Variants in EPHB2 observed in about 807,000 individuals in gnomAD.
EPHB2 encodes the protein ephrin type-B receptor 2.
EPHB2 carries 18 observed loss-of-function variants against 96.4 expected under a neutral mutation model. The observed-to-expected ratio is 0.19, with a 90% CI of 0.13 to 0.28. The LOEUF is 0.28. Among genes scored for constraint, EPHB2 ranks in the 10% least tolerant of loss-of-function variants. EPHB2 has a pLI of 1.00. For synonymous variants in EPHB2, 506 were observed against 534.1 expected (o/e 0.95, Z 0.72); for missense variants, 989 against 1,355.4 (o/e 0.73, Z 4.25).
At chr1:22,882,529 G>T in intron 6 of EPHB2, 46 bp downstream of exon 6, 1 of 1,610,556 alleles carries the variant, frequency 6.2e-7, no homozygotes. Flanking sequence ...CTCCCTGAGG[G>T]CCCCTCTCCC....
chr1:22,916,625 A>G lies in EPHB2; in HGVS notation c.*3055A>G, dbSNP rs1557758436. On this transcript the variant is annotated 3_prime_UTR_variant, in exon 16 of 16. Transcript: ENST00000374630. The surrounding 1 kb of genome is among the most constrained non-coding windows in gnomAD (Gnocchi z 4.2). ...ACTTACACCACCCGCTCACCCAGGC[A>G]CACAGCTCTGAGCCACCCGCTGCCT... The G allele has an allele frequency of 6.6e-6, 1 of 152,016 alleles. No individual in the cohort carries two copies. The highest frequency in any genetic ancestry group is 1.9e-4 in the East Asian group (1 of 5,158). The allele number at this position is 152,016 out of a possible 1,614,324, so 9.4% of individuals were successfully genotyped here.
In EPHB2 at chr1:22,784,600, A is replaced by G; in HGVS notation, c.335A>G (p.Asn112Ser). The G allele has an allele frequency of 6.2e-7, 1 of 1,614,000 alleles. No homozygotes were observed. Among genetic ancestry groups the G allele is most frequent in the Non-Finnish European group, 8.5e-7 (1 of 1,179,986 alleles). Residue 112 changes from asparagine (N) to serine (S), a missense_variant, in exon 3 of 16, where the codon AAC becomes AGC. Physicochemically the swap from Asn to Ser is conservative, Grantham distance 46 (BLOSUM62 1). Transcript: ENST00000374630. This position sits in a 1 kb window ranked among gnomAD's most constrained non-coding sequence, Gnocchi z 5.1. Reference sequence around the variant, plus strand: ...CCTGGCTCCTGCAAGGAGACCTTCAACCTCTATTACTATGAGGCTGACTTT... The same window carrying G: ...CCTGGCTCCTGCAAGGAGACCTTCAGCCTCTATTACTATGAGGCTGACTTT... Reference protein sequence around the residue: ...SVPGSCKETFNLYYYEADFDS... With the variant: ...SVPGSCKETFSLYYYEADFDS...
intron 1 of EPHB2, among the ~76,000 whole-genome samples, chr1:22,729,254 G>A (rs1643651276): frequency 1.3e-5 from 2 of 152,194 alleles, no homozygotes; most frequent in Non-Finnish European, 2.9e-5. Flanking sequence ...ATTCTCACCT[G>A]GGCATGAGAT....
chr1:22,719,449 C>T (rs991329098), intron 1 of EPHB2: 4 of 154,274 alleles, frequency 2.6e-5, no homozygotes, highest in Admixed American at 1.3e-4. Flanking sequence ...AATCTGGTTT[C>T]ACAGGGCCCA....
intron 3 of EPHB2, among the ~76,000 whole-genome samples, chr1:22,819,236 TCTCTCTCTC>T (rs1239311116): frequency 6.6e-6 from 1 of 150,936 alleles, no homozygotes; most frequent in African/African-American, 2.4e-5. Context: ...TCTCTCTCTC[TCTCTCTCTC>T]TCTCTGCTGG....
intron 1 of EPHB2, among the ~76,000 whole-genome samples, chr1:22,760,569 C>A (rs1232213522): frequency 6.6e-6 from 1 of 152,236 alleles, no homozygotes; most frequent in African/African-American, 2.4e-5. Flanking sequence ...AAAAGCTGAG[C>A]TCCTCAGAGT....
At chr1:22,769,699 C>T (rs1394062970) in intron 1 of EPHB2, among the ~76,000 whole-genome samples, 3 of 152,170 alleles carry the variant, frequency 2.0e-5, no homozygotes, top group African/African-American at 4.8e-5. Context: ...TGAGCCACCA[C>T]GTAGAGCCTG....
intron 3 of EPHB2, among the ~76,000 whole-genome samples, chr1:22,822,949 A>C (rs1381778673): frequency 6.6e-6 from 1 of 152,246 alleles, no homozygotes; most frequent in Non-Finnish European, 1.5e-5. Flanking sequence ...TGAGGCCTCC[A>C]GGAGACAGTT....
chr1:22,921,082 CGG>C lies in EPHB2; in HGVS notation c.*7518_*7519del, dbSNP rs546488873. The C allele has an allele frequency of 6.6e-6, 1 of 152,302 alleles. No homozygotes were observed. 9.4% of individuals were successfully genotyped at this position (152,302 alleles called of 1,614,324 possible). ...CTTTGCCAGTCAAATCCCAGATCCCCGGGGGGGCACTGTGGCACCCTCTTTGA... is the reference window on the plus strand; with the variant it reads ...CTTTGCCAGTCAAATCCCAGATCCCCGGGGGCACTGTGGCACCCTCTTTGA... On this transcript the variant is annotated 3_prime_UTR_variant, in exon 16 of 16. Transcript: ENST00000374630.
At chr1:22,823,861 A>T (rs1323734265) in intron 3 of EPHB2, among the ~76,000 whole-genome samples, 1 of 152,250 alleles carries the variant, frequency 6.6e-6, no homozygotes, top group Admixed American at 6.5e-5. Flanking sequence ...GAATGGAAAG[A>T]TGAGCGATTG....
chr1:22,876,018 T>C (rs1288513923), intron 5 of EPHB2, among the ~76,000 whole-genome samples: 1 of 151,284 alleles, frequency 6.6e-6, no homozygotes, highest in Admixed American at 6.6e-5. Flanking sequence ...CAGAGGGAGG[T>C]GGCAGACGCC....
In EPHB2 at chr1:22,913,291, C is replaced by T. The variant is rs1233409575; in HGVS notation, c.2853-171C>T. 4 of 801,344 alleles carry T rather than the reference C, an allele frequency of 5.0e-6. No individual in the cohort carries two copies. Among genetic ancestry groups the T allele is most frequent in the African/African-American group, 1.7e-5 (1 of 58,974 alleles). The allele number at this position is 801,344 out of a possible 1,614,324, so 49.6% of individuals were successfully genotyped here. On this transcript the variant is annotated intron_variant, in intron 15 of 15. Transcript: ENST00000374630. This position sits in a 1 kb window ranked among gnomAD's most constrained non-coding sequence, Gnocchi z 4.1. The stretch of plus-strand genomic sequence containing the variant: ...TTCCGACTCAAGTGCTCTTCCACCT[C>T]ACACCATAGTCGCTCCCTCCAGCTG...
intron 1 of EPHB2, among the ~76,000 whole-genome samples, chr1:22,771,918 G>A (rs1265354917): frequency 2.6e-5 from 4 of 152,068 alleles, no homozygotes; most frequent in African/African-American, 9.7e-5. Context: ...TGTGGCCTTG[G>A]TCAAGTCACC....
At chr1:22,911,371 TCA>T (rs1018803340) in intron 14 of EPHB2, among the ~76,000 whole-genome samples, 1 of 152,036 alleles carries the variant, frequency 6.6e-6, no homozygotes, top group Non-Finnish European at 1.5e-5. Flanking sequence ...TCATGCCTCT[TCA>T]CACACACAGT....
rs1046184040 is a variant in EPHB2, at chr1:22,915,467, A to T, written c.*1897A>T. The T allele has an allele frequency of 1.3e-5, 2 of 152,228 alleles. No individual in the cohort carries two copies. The highest frequency in any genetic ancestry group is 2.9e-5 in the Non-Finnish European group (2 of 68,042). The allele number at this position is 152,228 out of a possible 1,614,324, so 9.4% of individuals were successfully genotyped here. On this transcript the variant is annotated 3_prime_UTR_variant, in exon 16 of 16. Coordinates refer to ENST00000374630, the MANE Select transcript of EPHB2 (RefSeq NM_017449.5). ...AGCCCAGGGCAGAGAAAACACATGG[A>T]GAACGACAGCTCCACGTGGCCTTTC...
At position 22,785,055 on chromosome 1, in the gene EPHB2, G is replaced by A. The variant is rs768188013; in HGVS notation, c.790G>A (p.Glu264Lys). Residue 264 changes from glutamate (E) to lysine (K), a missense_variant, in exon 3 of 16, where the codon GAG becomes AAG. Physicochemically the swap from Glu to Lys is moderately conservative, Grantham distance 56. Transcript: ENST00000374630. ...CMCKAGFEAV[E>K]NGTVCRGCPS... Reference sequence around the variant, plus strand: ...GTGCAAAGCAGGCTTCGAGGCCGTTGAGAATGGCACCGTCTGCCGAGGTAA... The same window carrying A: ...GTGCAAAGCAGGCTTCGAGGCCGTTAAGAATGGCACCGTCTGCCGAGGTAA... 3 of 1,613,586 alleles carry A rather than the reference G, an allele frequency of 1.9e-6. No individual in the cohort carries two copies. Among genetic ancestry groups the A allele is most frequent in the Non-Finnish European group, 2.5e-6 (3 of 1,180,050 alleles).
At chr1:22,711,748 C>A (rs1643153581) in intron 1 of EPHB2, among the ~76,000 whole-genome samples, 1 of 152,136 alleles carries the variant, frequency 6.6e-6, no homozygotes, top group Non-Finnish European at 1.5e-5. Flanking sequence ...CTCAGCGTGG[C>A]GGCTGGAGCC....
At chr1:22,750,967 C>G (rs1439597315) in intron 1 of EPHB2, among the ~76,000 whole-genome samples, 2 of 152,230 alleles carry the variant, frequency 1.3e-5, no homozygotes, top group East Asian at 1.9e-4. Flanking sequence ...ACCTCTGATT[C>G]TCAGAATTGG....
intron 1 of EPHB2, among the ~76,000 whole-genome samples, chr1:22,781,021 GC>G (rs1421691458): frequency 2.0e-5 from 3 of 152,000 alleles, no homozygotes; most frequent in Non-Finnish European, 4.4e-5. Flanking sequence ...AAGGATGAGG[GC>G]CCGGCCGTGA....
Sources: allele counts gnomAD v4.1 joint callset (sites outside exome capture counted in the v4.1 genomes callset), GRCh38; gene constraint gnomAD v4.1.1; non-coding constraint Gnocchi (gnomAD v3.1); transcripts MANE v1.5; gene names NCBI Gene and HGNC (gene_info 2026-07-23, HGNC 2026-07-21).